Variants in KCNJ16 observed in about 807,000 individuals in gnomAD.
KCNJ16 encodes the protein inward rectifier potassium channel 16.
Under a neutral mutation model 18.5 loss-of-function variants are expected in KCNJ16, and 15 were observed. The ratio of observed to expected loss-of-function variants is 0.81; its 90% CI spans 0.54 to 1.25. The LOEUF (loss-of-function observed/expected upper bound fraction) is 1.25. KCNJ16 is among the 50% of genes most tolerant of loss of function. The probability of loss-of-function intolerance (pLI) is 0.00; values close to 1 mark genes in which losing one functional copy is unlikely to be tolerated. For synonymous variants in KCNJ16, 174 were observed against 186.5 expected (o/e 0.93, Z 0.55); for missense variants, 523 against 525.7 (o/e 0.99, Z 0.05).
At chr17:70,125,337 G>C (rs888435046) in intron 2 of KCNJ16, among the ~76,000 whole-genome samples, 2 of 152,032 alleles carry the variant, frequency 1.3e-5, no homozygotes, top group African/African-American at 4.8e-5. Context: ...TGAGGAACTA[G>C]TGAAAGGACA....
intron 2 of KCNJ16, among the ~76,000 whole-genome samples, chr17:70,121,523 G>A (rs1368110696): frequency 6.6e-6 from 1 of 152,160 alleles, no homozygotes; most frequent in Middle Eastern, 3.2e-3. Context: ...TTTAGAGAGA[G>A]GGCCAGATGT....
intron 2 of KCNJ16, among the ~76,000 whole-genome samples, chr17:70,115,601 T>C (rs189964872): frequency 4.5e-4 from 69 of 152,204 alleles, no homozygotes; most frequent in Non-Finnish European, 9.4e-4. Context: ...AACAGTTTAA[T>C]ATGGTTTGGA....
At chr17:70,125,883 G>C (rs905789551) in intron 2 of KCNJ16, among the ~76,000 whole-genome samples, 2 of 151,776 alleles carry the variant, frequency 1.3e-5, no homozygotes, top group African/African-American at 4.8e-5. Context: ...AGTGAGCCGA[G>C]ATCGCACCAC....
Position 70,100,729 on chromosome 17 carries a change from C to G in KCNJ16, c.-228C>G, listed in dbSNP as rs2072584944. 1 of 152,200 alleles carries G rather than the reference C, an allele frequency of 6.6e-6. No homozygotes were observed. The highest frequency in any genetic ancestry group is 2.4e-5 in the African/African-American group (1 of 41,452). The allele number at this position is 152,200 out of a possible 1,614,324, so 9.4% of individuals were successfully genotyped here. A position where few individuals can be genotyped will look rare whatever the true frequency, so the allele number is the denominator to read the frequency against. ...TCTAACTGGCAGACTGGCACTTTATCTCAATTCTTAACTGCTGTGTTGCCT... is the reference window on the plus strand; with the variant it reads ...TCTAACTGGCAGACTGGCACTTTATGTCAATTCTTAACTGCTGTGTTGCCT... On this transcript the variant is annotated 5_prime_UTR_variant, in exon 2 of 4. The change creates a new upstream start codon in the 5' untranslated region. Transcript: ENST00000392671.
rs1415905515 is a variant in KCNJ16, at chr17:70,135,000, CT to C, written c.*1660del. 2 of 137,326 alleles carry C rather than the reference CT, an allele frequency of 1.5e-5. No homozygotes were observed. The highest frequency in any genetic ancestry group is 1.6e-4 in the Admixed American group (2 of 12,384). 8.5% of individuals were successfully genotyped at this position (137,326 alleles called of 1,614,324 possible). A position where few individuals can be genotyped will look rare whatever the true frequency, so the allele number is the denominator to read the frequency against. On this transcript the variant is annotated 3_prime_UTR_variant, in exon 4 of 4. Transcript: ENST00000392671. ...CCCCCTCATCCTTCCCTTTCTCCTT[CT>C]TTTCCCTTTTTTTTTTTTTTTTGAC...
At chr17:70,081,746 T>C (rs541027152) in intron 1 of KCNJ16, among the ~76,000 whole-genome samples, 5 of 151,672 alleles carry the variant, frequency 3.3e-5, no homozygotes, top group East Asian at 1.9e-4. Flanking sequence ...AGTTAAGAGG[T>C]GAGAAGGAGA....
At chr17:70,089,615 A>C (rs1233706474) in intron 1 of KCNJ16, among the ~76,000 whole-genome samples, 1 of 152,206 alleles carries the variant, frequency 6.6e-6, no homozygotes, top group Non-Finnish European at 1.5e-5. Context: ...TAGTTGCTGT[A>C]GTCTATAACC....
intron 2 of KCNJ16, among the ~76,000 whole-genome samples, chr17:70,106,480 A>G (rs1191681607): frequency 2.0e-5 from 3 of 152,166 alleles, no homozygotes; most frequent in Admixed American, 6.6e-5. Flanking sequence ...ACTGATAGAG[A>G]GAGTGATAGG....
In KCNJ16 at chr17:70,097,611, A is replaced by G. The variant is rs747180444; in HGVS notation, c.-299-3047A>G. Among the ~76,000 whole-genome samples the G allele has an allele frequency of 3.4e-4, 52 of 152,294 alleles. 1 individual carries two copies. The highest frequency in any genetic ancestry group is 5.9e-4 in the Non-Finnish European group (40 of 68,028). ...ATATAGCATAGTTTTCAATTTTTCTACAGTGACTATTTCAAATATTTTCTG... is the reference window on the plus strand; with the variant it reads ...ATATAGCATAGTTTTCAATTTTTCTGCAGTGACTATTTCAAATATTTTCTG... On this transcript the variant is annotated intron_variant, in intron 1 of 3. Transcript: ENST00000392671.
At chr17:70,122,653 A>G (rs1034048980) in intron 2 of KCNJ16, among the ~76,000 whole-genome samples, 1 of 152,214 alleles carries the variant, frequency 6.6e-6, no homozygotes, top group Non-Finnish European at 1.5e-5. Context: ...TTGAGCAGAA[A>G]CAAGAGGAAA....
At chr17:70,083,786 G>A (rs1405944450) in intron 1 of KCNJ16, among the ~76,000 whole-genome samples, 1 of 152,164 alleles carries the variant, frequency 6.6e-6, no homozygotes, top group Non-Finnish European at 1.5e-5. Context: ...TATTCTATGT[G>A]AAGCTGACAT....
At chr17:70,087,621 C>A (rs995412752) in intron 1 of KCNJ16, among the ~76,000 whole-genome samples, 2 of 151,986 alleles carry the variant, frequency 1.3e-5, no homozygotes, top group African/African-American at 4.8e-5. Flanking sequence ...ACAGGAGAAT[C>A]GCTTGAACCC....
At chr17:70,106,815 A>G (rs1207859264) in intron 2 of KCNJ16, among the ~76,000 whole-genome samples, 10 of 152,086 alleles carry the variant, frequency 6.6e-5, no homozygotes, top group Non-Finnish European at 1.3e-4. Flanking sequence ...TGGCATGAGG[A>G]GTCATGGGGG....
rs760077682 is a variant in KCNJ16, at chr17:70,097,008, C to A, written c.-299-3650C>A. The A allele has an allele frequency of 7.6e-6, 3 of 396,182 alleles. No homozygotes were observed. In the South Asian group the frequency reaches 3.9e-4, roughly 51 times the overall value. The allele number at this position is 396,182 out of a possible 1,614,324, so 24.5% of individuals were successfully genotyped here. On this transcript the variant is annotated intron_variant, in intron 1 of 3. Coordinates refer to ENST00000392671, the MANE Select transcript of KCNJ16 (RefSeq NM_170741.4). The stretch of plus-strand genomic sequence containing the variant: ...ATTCTCTTTTGAACCCTATTACAAT[C>A]AAAGAAATCTCCATGGTGAAATGCT...
chr17:70,127,610 C>T (rs1416093349), intron 2 of KCNJ16, among the ~76,000 whole-genome samples: 2 of 151,796 alleles, frequency 1.3e-5, no homozygotes, highest in Admixed American at 6.6e-5. Flanking sequence ...CTTCATCTAC[C>T]CTGGGTCCCA....
intron 1 of KCNJ16, among the ~76,000 whole-genome samples, chr17:70,076,008 T>A (rs142866552): frequency 1.3e-5 from 2 of 152,250 alleles, no homozygotes; most frequent in Non-Finnish European, 2.9e-5. Flanking sequence ...TAAAATTTTG[T>A]TTTGAGTATT....
intron 2 of KCNJ16, among the ~76,000 whole-genome samples, chr17:70,112,172 G>A (rs2073214228): frequency 6.6e-6 from 1 of 152,166 alleles, no homozygotes; most frequent in Non-Finnish European, 1.5e-5. Flanking sequence ...AGGGCTAGGG[G>A]TTGATGGGCA....
intron 2 of KCNJ16, among the ~76,000 whole-genome samples, chr17:70,113,238 A>G (rs1191986554): frequency 6.6e-6 from 1 of 152,226 alleles, no homozygotes; most frequent in South Asian, 2.1e-4. Flanking sequence ...TTTGTTCCTT[A>G]AATGCTGGGA....
rs927314635 is a variant in KCNJ16 at position 70,112,122 on chromosome 17, C to A, written c.-191+11356C>A. ...ATGATGTGTTGCCACACTCAGGTGCCCCTGGGACCAAGAACCCGAGAACCA... is the reference window on the plus strand; with the variant it reads ...ATGATGTGTTGCCACACTCAGGTGCACCTGGGACCAAGAACCCGAGAACCA... On this transcript the variant is annotated intron_variant, in intron 2 of 3. Coordinates refer to ENST00000392671, the MANE Select transcript of KCNJ16 (RefSeq NM_170741.4). Among the ~76,000 whole-genome samples the A allele has an allele frequency of 2.5e-4, 38 of 152,122 alleles. 1 individual carries two copies. The highest frequency in any genetic ancestry group is 8.0e-4 in the African/African-American group (33 of 41,440).
Sources: allele counts gnomAD v4.1 joint callset (sites outside exome capture counted in the v4.1 genomes callset), GRCh38; gene constraint gnomAD v4.1.1; transcripts MANE v1.5; gene names NCBI Gene and HGNC (gene_info 2026-07-23, HGNC 2026-07-21).